Variants in CNTNAP2 observed in about 807,000 individuals in gnomAD.
CNTNAP2 encodes contactin associated protein 2.
CNTNAP2 carries 98 observed loss-of-function variants against 155.2 expected under a neutral mutation model. That is an observed-to-expected ratio of 0.63 (90% confidence interval 0.54 to 0.75). CNTNAP2 has a LOEUF of 0.75. CNTNAP2 is among the 30% of genes least tolerant of loss of function. The pLI is 0.00. For missense variants in CNTNAP2, 1,727 were observed against 1,688.1 expected (o/e 1.02, Z -0.40); for synonymous variants, 651 against 631.2 (o/e 1.03, Z -0.47).
chr7:146,986,893 A>G (rs906471588), intron 3 of CNTNAP2, among the ~76,000 whole-genome samples: 18 of 152,088 alleles, frequency 1.2e-4, no homozygotes, highest in African/African-American at 3.9e-4. Flanking sequence ...TTAATAAAAT[A>G]GTTTTTTTCT....
chr7:147,598,849 G>A (rs1800881549), intron 12 of CNTNAP2, among the ~76,000 whole-genome samples: 1 of 152,056 alleles, frequency 6.6e-6, no homozygotes, highest in South Asian at 2.1e-4. Flanking sequence ...GGTTTTATAA[G>A]GGGCTTTTCC....
At position 147,642,011 on chromosome 7, in the gene CNTNAP2, CGT is replaced by C. The variant is rs3053478; in HGVS notation, c.2098+2724_2098+2725del. ...CACTTATCATAGGTGTGTGTGTGTG[CGT>C]GTGTGTGTGTGTGTGTGTTTTAACT... On this transcript the variant is annotated intron_variant, in intron 13 of 23. Transcript: ENST00000361727. Among the ~76,000 whole-genome samples, 425 of 149,632 alleles carry C rather than the reference CGT, an allele frequency of 2.8e-3. 7 individuals are homozygous for C. The East Asian group carries it at 0.042, about 15-fold the overall frequency.
chr7:146,679,793 T>C (rs957152494), intron 1 of CNTNAP2, among the ~76,000 whole-genome samples: 4 of 152,160 alleles, frequency 2.6e-5, no homozygotes, highest in African/African-American at 4.8e-5. Context: ...TTCCCAATTA[T>C]AGCGGTAACA....
At chr7:146,748,013 T>C (rs1475100869) in intron 1 of CNTNAP2, among the ~76,000 whole-genome samples, 1 of 148,116 alleles carries the variant, frequency 6.8e-6, no homozygotes, top group Non-Finnish European at 1.5e-5. Context: ...CTTTTCTCCT[T>C]TTTTTAAAAA....
chr7:146,947,553 G>GTATA (rs767656171), intron 3 of CNTNAP2, among the ~76,000 whole-genome samples: 174 of 104,750 alleles, frequency 1.7e-3, no homozygotes, highest in Non-Finnish European at 2.2e-3. Context: ...ATGTGTGTGT[G>GTATA]TGTGTATATA....
chr7:147,032,911 A>G (rs567879306), intron 3 of CNTNAP2, among the ~76,000 whole-genome samples: 7 of 152,114 alleles, frequency 4.6e-5, no homozygotes, highest in Admixed American at 3.3e-4. Flanking sequence ...AAGGAAACCT[A>G]TTGAATACCA....
At chr7:146,706,591 A>G (rs1328796156) in intron 1 of CNTNAP2, among the ~76,000 whole-genome samples, 1 of 152,158 alleles carries the variant, frequency 6.6e-6, no homozygotes, top group Non-Finnish European at 1.5e-5. Context: ...CAGCCATAAA[A>G]AAGGATGAGA....
intron 18 of CNTNAP2, among the ~76,000 whole-genome samples, chr7:148,216,346 T>C (rs567208827): frequency 1.3e-5 from 2 of 152,220 alleles, no homozygotes; most frequent in Non-Finnish European, 2.9e-5. Flanking sequence ...TACCAAGGCC[T>C]AGAAAAATGT....
At chr7:146,610,148 A>T (rs1295538391) in intron 1 of CNTNAP2, among the ~76,000 whole-genome samples, 1 of 152,168 alleles carries the variant, frequency 6.6e-6, no homozygotes, top group Non-Finnish European at 1.5e-5. Flanking sequence ...AATAATAATA[A>T]TCATCATTTT....
rs570733249 is a variant in CNTNAP2 at position 147,042,767 on chromosome 7, A to G, written c.403-1140A>G. Among the ~76,000 whole-genome samples the G allele has an allele frequency of 6.4e-4, 97 of 152,222 alleles. 4 individuals carry two copies. In the South Asian group the frequency reaches 0.018, roughly 29 times the overall value. On this transcript the variant is annotated intron_variant, in intron 3 of 23. Coordinates refer to ENST00000361727, the MANE Select transcript of CNTNAP2 (RefSeq NM_014141.6). ...AATAATTTTTAAAATTTCTATTTGT[A>G]TGATTTTAAGATAATTTAAATCTGA...
chr7:148,208,088 CA>C (rs10551518), intron 18 of CNTNAP2, among the ~76,000 whole-genome samples: 4,531 of 120,774 alleles, frequency 0.038, 189 homozygotes, highest in African/African-American at 0.11. Context: ...GACTCCGTGT[CA>C]AAAAAAAAAA....
chr7:146,453,909 T>G (rs1434210466), intron 1 of CNTNAP2, among the ~76,000 whole-genome samples: 1 of 152,058 alleles, frequency 6.6e-6, no homozygotes. Context: ...CAGTGAGCTA[T>G]GGGGCAACTT....
chr7:146,816,918 TATC>T (rs1355589492), intron 2 of CNTNAP2, among the ~76,000 whole-genome samples: 2 of 152,164 alleles, frequency 1.3e-5, no homozygotes, highest in Non-Finnish European at 2.9e-5. Flanking sequence ...CTGAGGAAAA[TATC>T]ATAGATAATA....
At chr7:146,273,072 G>T (rs1168328889) in intron 1 of CNTNAP2, among the ~76,000 whole-genome samples, 2 of 144,388 alleles carry the variant, frequency 1.4e-5, no homozygotes, top group African/African-American at 5.8e-5. Flanking sequence ...GGGTGGAAGG[G>T]TGAGAGAAAG....
intron 3 of CNTNAP2, among the ~76,000 whole-genome samples, chr7:146,943,622 C>T (rs763777060): frequency 5.3e-5 from 8 of 152,132 alleles, no homozygotes; most frequent in African/African-American, 7.2e-5. Context: ...TAGTAGCAAC[C>T]GCAGCTGCAG....
At chr7:148,129,140 C>T (rs1804773710) in intron 16 of CNTNAP2, among the ~76,000 whole-genome samples, 1 of 152,186 alleles carries the variant, frequency 6.6e-6, no homozygotes, top group Non-Finnish European at 1.5e-5. Context: ...GCTTTGGAAA[C>T]CAGCTGAAGT....
intron 13 of CNTNAP2, among the ~76,000 whole-genome samples, chr7:147,882,817 A>G (rs183658350): frequency 2.0e-5 from 3 of 152,264 alleles, no homozygotes; most frequent in East Asian, 3.9e-4. Context: ...CCCAGAAATG[A>G]AAGTGCATAG....
At chr7:148,054,716 CTT>C (rs1043869932) in intron 15 of CNTNAP2, among the ~76,000 whole-genome samples, 5 of 151,914 alleles carry the variant, frequency 3.3e-5, no homozygotes, top group Non-Finnish European at 7.4e-5. Context: ...CCCTGGGAAA[CTT>C]TTAAAATGAA....
chr7:146,704,440 T>A (rs1800929030), intron 1 of CNTNAP2, among the ~76,000 whole-genome samples: 1 of 152,128 alleles, frequency 6.6e-6, no homozygotes, highest in Non-Finnish European at 1.5e-5. Flanking sequence ...AGAGGCAATC[T>A]TAGAAACCAT....
Sources: allele counts gnomAD v4.1 joint callset (sites outside exome capture counted in the v4.1 genomes callset), GRCh38; gene constraint gnomAD v4.1.1; transcripts MANE v1.5; gene names NCBI Gene and HGNC (gene_info 2026-07-23, HGNC 2026-07-21).